Variants in AASS observed in about 807,000 individuals in gnomAD.
AASS encodes alpha-aminoadipic semialdehyde synthase, mitochondrial.
In AASS, 86 loss-of-function variants were observed where a neutral mutation model predicts 105.4. The ratio of observed to expected loss-of-function variants is 0.82; its 90% CI spans 0.69 to 0.98. AASS has a LOEUF of 0.98. AASS is among the 50% of genes least tolerant of loss of function. The pLI, the probability that AASS is intolerant of heterozygous loss-of-function variation, is 0.00. For missense variants in AASS, 1,048 were observed against 1,143.2 expected, an observed-to-expected ratio of 0.92 and a Z score of 1.20; for synonymous variants, 381 against 394.8, an observed-to-expected ratio of 0.96 and a Z score of 0.41.
intron 15 of AASS, among the ~76,000 whole-genome samples, chr7:122,098,179 A>C (rs1419980052): frequency 6.6e-6 from 1 of 151,896 alleles, no homozygotes; most frequent in East Asian, 1.9e-4. Flanking sequence ...CCCTTAGAGG[A>C]TGGGGTAAGT....
At chr7:122,083,239 T>G (rs1043527767) in intron 19 of AASS, among the ~76,000 whole-genome samples, 1 of 152,168 alleles carries the variant, frequency 6.6e-6, no homozygotes, top group African/African-American at 2.4e-5. Context: ...TTTGCTCTAA[T>G]TCAAATGCAA....
Position 122,133,536 on chromosome 7 carries a change from C to T in AASS, c.191G>A (p.Arg64Gln), listed in dbSNP as rs369365675. The part of the protein sequence containing the change: ...GYKVLIQPSN[R>Q]RAIHDKDYVK... ...ACTCACCTTATCATGAATGGCCCGC[C>T]GATTCGAAGGCTGTATCAAGACCTT... The change falls in exon 2 of 24, where the codon CGG becomes CAG. Residue 64 changes from arginine (R) to glutamine (Q), a missense_variant. Transcript: ENST00000417368. 6.8e-6 allele frequency: 11 copies of T among 1,614,010 alleles called. No homozygotes were observed. Among genetic ancestry groups the T allele is most frequent in the Non-Finnish European group, 8.5e-6 (10 of 1,180,044 alleles).
In AASS at chr7:122,133,645, C is replaced by G. The variant is rs762873545; in HGVS notation, c.82G>C (p.Val28Leu). 3 of 1,614,152 alleles carry G rather than the reference C, an allele frequency of 1.9e-6. No individual in the cohort carries two copies. The highest frequency in any genetic ancestry group is 2.5e-6 in the Non-Finnish European group (3 of 1,180,038). ...CAGGCGTTCACATCCTCCCTCCGGA[C>G]GGCCAACACAGCTTTGTGGTGAAGA... ...KGLHHKAVLA[V>L]RREDVNAWER... Residue 28 changes from valine to leucine, a missense_variant, in exon 2 of 24, where the codon GTC (valine) becomes CTC (leucine). Val to Leu is a conservative substitution (Grantham distance 32, BLOSUM62 1). Transcript: ENST00000417368.
At chr7:122,095,489 C>CA (rs1385220201) in intron 15 of AASS, among the ~76,000 whole-genome samples, 86 of 146,986 alleles carry the variant, frequency 5.9e-4, no homozygotes, top group Middle Eastern at 3.4e-3. Flanking sequence ...ACAGTACCAA[C>CA]AAAAAAAAAT....
intron 15 of AASS, 128 bp downstream of exon 15, chr7:122,098,322 C>G: frequency 4.1e-6 from 4 of 964,452 alleles, no homozygotes; most frequent in Non-Finnish European, 6.3e-6. Context: ...TGTGCACCTT[C>G]TGGACCCATA....
chr7:122,106,403 T>A (rs1794664924), intron 11 of AASS, among the ~76,000 whole-genome samples: 1 of 151,922 alleles, frequency 6.6e-6, no homozygotes, highest in South Asian at 2.1e-4. Flanking sequence ...AGAAAGAAAC[T>A]ATTTTAAAAT....
intron 15 of AASS, among the ~76,000 whole-genome samples, chr7:122,094,632 C>G (rs1366304159): frequency 6.6e-6 from 1 of 152,120 alleles, no homozygotes; most frequent in Non-Finnish European, 1.5e-5. Flanking sequence ...TTATATAACA[C>G]TCATATTTAT....
In AASS at chr7:122,073,950, A is replaced by G. The variant is rs1288710374; in HGVS notation, c.*2539T>C. Among the ~76,000 whole-genome samples, 1 of 152,040 alleles carries G rather than the reference A, an allele frequency of 6.6e-6. No individual in the cohort carries two copies. The highest frequency in any genetic ancestry group is 1.5e-5 in the Non-Finnish European group (1 of 68,016). The stretch of plus-strand genomic sequence containing the variant: ...TTGCTGAATAATATTCCTTGTATGG[A>G]TATGCCACGTTTTGTTTATTCACTT... On this transcript the variant is annotated 3_prime_UTR_variant, in exon 24 of 24. Transcript: ENST00000417368.
chr7:122,121,495 A>C (rs932691293), intron 4 of AASS, among the ~76,000 whole-genome samples: 1 of 151,996 alleles, frequency 6.6e-6, no homozygotes, highest in Non-Finnish European at 1.5e-5. Flanking sequence ...CCCAGACTCA[A>C]GCAATCCTCC....
intron 8 of AASS, among the ~76,000 whole-genome samples, chr7:122,116,068 G>A (rs1440409405): frequency 6.6e-6 from 1 of 152,060 alleles, no homozygotes; most frequent in Non-Finnish European, 1.5e-5. Flanking sequence ...AATGTTGCAT[G>A]GCCAATGACT....
At chr7:122,098,905 G>A (rs1202881388) in intron 13 of AASS, 39 bp from the exon 14 acceptor site, 10 of 1,509,758 alleles carry the variant, frequency 6.6e-6, no homozygotes, top group Non-Finnish European at 8.8e-6. Context: ...AAGGGAAGGG[G>A]CTAATTAAAA....
rs1248535126 is a variant in AASS, at chr7:122,108,715, C to T, written c.1278+4403G>A. Among the ~76,000 whole-genome samples, 2 of 152,014 alleles carry T rather than the reference C, an allele frequency of 1.3e-5. 1 individual carries two copies. The highest frequency in any genetic ancestry group is 2.9e-5 in the Non-Finnish European group (2 of 67,954). On this transcript the variant is annotated intron_variant, in intron 11 of 23. Transcript: ENST00000417368. ...TATTTGACAGACCCACAGCTAACAT[C>T]ATACTGATCATGGAAAATTGAAAGC... is the stretch of plus-strand genomic sequence containing the variant.
chr7:122,118,497 C>A (rs1411104640), intron 5 of AASS, 44 bp from the exon 6 acceptor site: 9 of 1,613,948 alleles, frequency 5.6e-6, no homozygotes, highest in African/African-American at 1.3e-5. Flanking sequence ...ACCAGCTCAG[C>A]ATTTTTTTTA....
At position 122,077,962 on chromosome 7, in the gene AASS, A is replaced by T; in HGVS notation, c.2538T>A (p.His846Gln). The change falls in exon 23 of 24, where the codon CAT becomes CAA. Residue 846 changes from histidine (H) to glutamine (Q), a missense_variant. His to Gln is a conservative substitution (Grantham distance 24). Coordinates refer to ENST00000417368, the MANE Select transcript of AASS (RefSeq NM_005763.4). ...TTTTATGTTCTAAATGTCCAGAAGG[A>T]TGTCTGATTCCAAAGCTGTCTCTCA... ...IVMRDSFGIR[H>Q]PSGHLEHKTI... The T allele has an allele frequency of 6.2e-7, 1 of 1,614,190 alleles. No homozygotes were observed. The highest frequency in any genetic ancestry group is 8.5e-7 in the Non-Finnish European group (1 of 1,180,016).
chr7:122,103,907 A>C (rs1383691565), intron 11 of AASS, among the ~76,000 whole-genome samples: 5 of 152,108 alleles, frequency 3.3e-5, no homozygotes, highest in Non-Finnish European at 7.4e-5. Flanking sequence ...TATAACTATA[A>C]GACATTTTAT....
intron 19 of AASS, 84 bp from the exon 20 acceptor site, chr7:122,081,679 T>G (rs1793332003): frequency 1.1e-6 from 1 of 890,980 alleles, no homozygotes; most frequent in Admixed American, 2.0e-5. Flanking sequence ...GAGGGATATA[T>G]CTTTGTAACT....
chr7:122,088,838 A>G (rs1793757380), intron 18 of AASS, among the ~76,000 whole-genome samples: 1 of 152,140 alleles, frequency 6.6e-6, no homozygotes, highest in Non-Finnish European at 1.5e-5. Flanking sequence ...AATGCCAACA[A>G]TGTAAAAAAG....
intron 4 of AASS, among the ~76,000 whole-genome samples, chr7:122,121,916 T>C (rs904947682): frequency 1.3e-5 from 2 of 152,116 alleles, no homozygotes; most frequent in Admixed American, 6.5e-5. Flanking sequence ...TGAAAAGATA[T>C]TGTCTTTGGA....
At chr7:122,103,905 T>C (rs1441786446) in intron 11 of AASS, among the ~76,000 whole-genome samples, 2 of 152,148 alleles carry the variant, frequency 1.3e-5, no homozygotes, top group African/African-American at 2.4e-5. Context: ...ATTATAACTA[T>C]AAGACATTTT....
Sources: allele counts gnomAD v4.1 joint callset (sites outside exome capture counted in the v4.1 genomes callset), GRCh38; gene constraint gnomAD v4.1.1; transcripts MANE v1.5; gene names NCBI Gene and HGNC (gene_info 2026-07-23, HGNC 2026-07-21).